DOCK9: variants seen among roughly 807,000 people sequenced by gnomAD.
The protein encoded by DOCK9 is dedicator of cytokinesis 9, also known as dedicator of cytokinesis protein 9.
In DOCK9, 89 loss-of-function variants were observed where a neutral mutation model predicts 263.3. The ratio of observed to expected loss-of-function variants is 0.34; its 90% confidence interval spans 0.28 to 0.40. The LOEUF (loss-of-function observed/expected upper bound fraction) is 0.40. Ranked by LOEUF, DOCK9 falls within the 10% of genes least tolerant of loss-of-function variation. The pLI, the probability that DOCK9 is intolerant of heterozygous loss-of-function variation, is 1.00. For synonymous variants in DOCK9, 976 were observed against 973.1 expected (o/e 1.00, Z -0.06); for missense variants, 2,140 against 2,603.4 (o/e 0.82, Z 3.87).
At chr13:98,879,789 A>G in intron 27 of DOCK9, 109 bp downstream of exon 27, 1 of 854,696 alleles carries the variant, frequency 1.2e-6, no homozygotes. Flanking sequence ...AAGCACTTAG[A>G]ACAGTCCTGT....
rs571997451 is a variant in DOCK9 at position 98,957,633 on chromosome 13, T to TA, written c.127-2083dup. On this transcript the variant is annotated intron_variant, in intron 1 of 52. Coordinates refer to ENST00000682017, the MANE Select transcript of DOCK9 (RefSeq NM_001366683.2). The stretch of plus-strand genomic sequence containing the variant: ...AAAATTTTTTTCAAAATATTTTAAT[T>TA]AAAAAAAAAAAGATTTACTCTTTTA... Among the ~76,000 whole-genome samples, 595 of 147,718 alleles carry TA rather than the reference T, an allele frequency of 4.0e-3. 5 individuals are homozygous for TA. Among genetic ancestry groups the TA allele is most frequent in the South Asian group, 0.022 (101 of 4,676 alleles).
chr13:99,059,960 C>G (rs1212525366), intron 1 of DOCK9, among the ~76,000 whole-genome samples: 3 of 151,838 alleles, frequency 2.0e-5, no homozygotes, highest in Admixed American at 6.6e-5. Context: ...AAGATTCATC[C>G]ATACTGTGGC....
At chr13:98,823,229 C>T (rs1297066550) in intron 45 of DOCK9, among the ~76,000 whole-genome samples, 1 of 152,022 alleles carries the variant, frequency 6.6e-6, no homozygotes, top group African/African-American at 2.4e-5. Flanking sequence ...CCATTCTGCA[C>T]ACAGCCTGTT....
chr13:98,914,336 G>A lies in DOCK9; in HGVS notation c.952C>T (p.Leu318Phe). The change falls in exon 9 of 53, where the codon CTT becomes TTT. Residue 318 changes from leucine to phenylalanine, a missense_variant. Physicochemically the swap from Leu to Phe is conservative, Grantham distance 22. Around this residue, in one of 2 missense-constraint regions of DOCK9, gnomAD observed 1,521 missense variants for 1,741.7 expected, o/e 0.87. Transcript: ENST00000682017. ...ATATAAGACGATGTTACCTTGGCAA[G>A]TTCCGGCAGGTAGCTATCTAAACCG... ...GSGLDSYLPE[L>F]AKSAREAEIK... 1.9e-6 allele frequency: 3 copies of A among 1,608,436 alleles called. No individual in the cohort carries two copies. The highest frequency in any genetic ancestry group is 2.5e-6 in the Non-Finnish European group (3 of 1,177,572).
intron 1 of DOCK9, among the ~76,000 whole-genome samples, chr13:99,070,593 G>A (rs973094106): frequency 9.2e-5 from 14 of 152,154 alleles, no homozygotes; most frequent in African/African-American, 3.4e-4. Flanking sequence ...TGTGTGCCAG[G>A]CCCCATTCTA....
chr13:99,062,525 G>A (rs2041235766), intron 1 of DOCK9, among the ~76,000 whole-genome samples: 1 of 152,124 alleles, frequency 6.6e-6, no homozygotes, highest in Non-Finnish European at 1.5e-5. Context: ...TTTGGATGTG[G>A]CCTGCAAAGT....
Position 98,817,311 on chromosome 13 carries a change from T to C in DOCK9, c.5131-7020A>G, listed in dbSNP as rs534109752. On this transcript the variant is annotated intron_variant, in intron 45 of 52. Transcript: ENST00000682017. ...GCTTCCCCTTCACCTTCTGCCATGA[T>C]TGTAAGTTACCTGACGCCTCCTAGC... Among the ~76,000 whole-genome samples, 9 of 152,280 alleles carry C rather than the reference T, an allele frequency of 5.9e-5. No homozygotes were observed. In the East Asian group the frequency reaches 1.5e-3, roughly 26 times the overall value.
chr13:98,859,360 A>G (rs796786490), intron 33 of DOCK9: 11 of 152,336 alleles, frequency 7.2e-5, no homozygotes, highest in African/African-American at 2.6e-4. Flanking sequence ...GGAGAGCATA[A>G]CTGTGAAAAA....
In DOCK9 at chr13:98,794,579, T is replaced by G; in HGVS notation, c.*47A>C. The G allele has an allele frequency of 6.5e-7, 1 of 1,546,954 alleles. No homozygotes were observed. Among genetic ancestry groups the G allele is most frequent in the Non-Finnish European group, 8.7e-7 (1 of 1,143,622 alleles). ...GATTGGCTTTGGAAAGCATCCTGAGTTTGCAAATGACAAAGCAAGTCCCCA... is the reference window on the plus strand; with the variant it reads ...GATTGGCTTTGGAAAGCATCCTGAGGTTGCAAATGACAAAGCAAGTCCCCA... On this transcript the variant is annotated 3_prime_UTR_variant, in exon 53 of 53. Coordinates refer to ENST00000682017, the MANE Select transcript of DOCK9 (RefSeq NM_001366683.2).
At chr13:99,016,830 A>G (rs1421758540) in intron 1 of DOCK9, among the ~76,000 whole-genome samples, 2 of 152,250 alleles carry the variant, frequency 1.3e-5, no homozygotes, top group African/African-American at 2.4e-5. Context: ...TCCTTATTTC[A>G]CAAGGCAACA....
intron 27 of DOCK9, among the ~76,000 whole-genome samples, chr13:98,876,229 C>T (rs1365516626): frequency 5.9e-5 from 9 of 152,186 alleles, no homozygotes; most frequent in African/African-American, 1.4e-4. Flanking sequence ...CGGTGGCTCA[C>T]GCCTGTAATC....
chr13:99,000,934 G>C (rs762030323), intron 1 of DOCK9, among the ~76,000 whole-genome samples: 2 of 152,176 alleles, frequency 1.3e-5, no homozygotes, highest in Non-Finnish European at 2.9e-5. Context: ...CCTAGGGTGG[G>C]AGGGCAAGGC....
intron 9 of DOCK9, among the ~76,000 whole-genome samples, chr13:98,911,202 A>AC (rs1351237262): frequency 6.6e-6 from 1 of 152,098 alleles, no homozygotes; most frequent in Non-Finnish European, 1.5e-5. Flanking sequence ...CCACCTTTCT[A>AC]CCTTCCTAAA....
chr13:98,868,473 A>G (rs2094103932), intron 27 of DOCK9, 96 bp from the exon 28 acceptor site: 1 of 1,378,388 alleles, frequency 7.3e-7, no homozygotes, highest in Non-Finnish European at 9.7e-7. Context: ...TAAAAAACCC[A>G]GAGTTTCTAG....
intron 47 of DOCK9, among the ~76,000 whole-genome samples, chr13:98,808,946 G>A (rs559472945): frequency 2.6e-5 from 4 of 152,214 alleles, no homozygotes; most frequent in African/African-American, 7.2e-5. Flanking sequence ...TTTAAAACAT[G>A]CAATATAGAT....
chr13:98,973,852 T>A (rs1390697944), intron 1 of DOCK9, among the ~76,000 whole-genome samples: 1 of 152,168 alleles, frequency 6.6e-6, no homozygotes, highest in Non-Finnish European at 1.5e-5. Context: ...CACCTTGGCC[T>A]CCTAAACTGC....
At chr13:98,916,155 A>G (rs2050856043) in intron 7 of DOCK9, among the ~76,000 whole-genome samples, 1 of 152,228 alleles carries the variant, frequency 6.6e-6, no homozygotes, top group Non-Finnish European at 1.5e-5. Flanking sequence ...GAAGATGAAC[A>G]TGCACTAGGC....
intron 1 of DOCK9, among the ~76,000 whole-genome samples, chr13:99,078,469 G>C (rs1217694417): frequency 6.6e-6 from 1 of 152,192 alleles, no homozygotes; most frequent in Non-Finnish European, 1.5e-5. Flanking sequence ...GGTGAGCCCT[G>C]AGAGGCCGCC....
intron 6 of DOCK9, 86 bp from the exon 7 acceptor site, chr13:98,921,174 T>C: frequency 7.4e-7 from 1 of 1,353,736 alleles, no homozygotes. Context: ...ACTACATACA[T>C]ACATAAAACC....
Sources: gnomAD v4.1 joint callset for allele counts (sites outside exome capture counted in the v4.1 genomes callset) on GRCh38, gnomAD v4.1.1 for gene constraint, gnomAD v4.1.1 regional missense constraint, MANE v1.5 for transcripts, NCBI Gene and HGNC (gene_info 2026-07-23, HGNC 2026-07-21) for gene names.